Variants in PLEKHG1 observed in about 807,000 individuals in gnomAD.
The protein encoded by PLEKHG1 is pleckstrin homology and RhoGEF domain containing G1, also known as pleckstrin homology domain-containing family G member 1.
Under a neutral mutation model 100.8 loss-of-function variants are expected in PLEKHG1, and 44 were observed. That is an observed-to-expected ratio of 0.44 (90% confidence interval 0.34 to 0.56). PLEKHG1 has a LOEUF of 0.56. Ranked by LOEUF, PLEKHG1 falls within the 20% of genes least tolerant of loss-of-function variation. The pLI is 0.01. For synonymous variants in PLEKHG1, 640 were observed against 662.5 expected (o/e 0.97, Z 0.52); for missense variants, 1,545 against 1,720.9 (o/e 0.90, Z 1.81).
At chr6:150,659,109 G>A (rs1779082791) in intron 3 of PLEKHG1, among the ~76,000 whole-genome samples, 1 of 151,968 alleles carries the variant, frequency 6.6e-6, no homozygotes, top group South Asian at 2.1e-4. Flanking sequence ...CAGCCATGCT[G>A]TGTGCACCCG....
At chr6:150,814,207 C>T (rs371341514) in intron 10 of PLEKHG1, among the ~76,000 whole-genome samples, 12 of 152,278 alleles carry the variant, frequency 7.9e-5, no homozygotes, top group African/African-American at 2.4e-4. Context: ...CCTTAGAATG[C>T]CCTTCTGAGC....
At chr6:150,815,001 C>T (rs1787779825) in intron 10 of PLEKHG1, among the ~76,000 whole-genome samples, 1 of 152,214 alleles carries the variant, frequency 6.6e-6, no homozygotes, top group South Asian at 2.1e-4. Context: ...GGATTACAGG[C>T]ACAAGCCACC....
At chr6:150,737,028 G>A (rs1438033827) in intron 2 of PLEKHG1, among the ~76,000 whole-genome samples, 2 of 152,144 alleles carry the variant, frequency 1.3e-5, no homozygotes, top group Admixed American at 6.5e-5. Context: ...ATGCTCCTCT[G>A]TTCCAGAAGT....
At chr6:150,744,371 G>A (rs1783038775) in intron 2 of PLEKHG1, among the ~76,000 whole-genome samples, 1 of 152,114 alleles carries the variant, frequency 6.6e-6, no homozygotes, top group Non-Finnish European at 1.5e-5. Context: ...ACCGCGCCTG[G>A]CCCCTGCCCT....
chr6:150,831,352 C>T lies in PLEKHG1; in HGVS notation c.2241C>T (p.Leu747=). 6.2e-7 allele frequency: 1 copy of T among 1,614,084 alleles called. No individual in the cohort carries two copies. Among genetic ancestry groups the T allele is most frequent in the South Asian group, 1.1e-5 (1 of 91,078 alleles). Residue 747 remains leucine (L), a synonymous_variant, in exon 15 of 16, where the codon CTC becomes CTT. Coordinates refer to ENST00000358517, the Ensembl canonical transcript of PLEKHG1. This position sits in a 1 kb window ranked among gnomAD's most constrained non-coding sequence, Gnocchi z 4.1. ...AGAACATCTATGACACCATAGGGCT[C>T]CCAGATCCTCCGTCGCTGGGTTTTA... is the stretch of plus-strand genomic sequence containing the variant.
chr6:150,829,121 G>T (rs909261215), intron 14 of PLEKHG1, among the ~76,000 whole-genome samples: 4 of 151,970 alleles, frequency 2.6e-5, no homozygotes, highest in Non-Finnish European at 4.4e-5. Flanking sequence ...TTGCTTATTT[G>T]ACATTTCCAA....
At chr6:150,768,648 A>T in exon 3 of PLEKHG1, 1 of 1,605,244 alleles carries the variant, frequency 6.2e-7, no homozygotes, top group Non-Finnish European at 8.5e-7. Context: ...GATTACCTTG[A>T]CTGCATCAGG....
At chr6:150,620,399 G>T (rs1777249686) in intron 1 of PLEKHG1, among the ~76,000 whole-genome samples, 1 of 152,180 alleles carries the variant, frequency 6.6e-6, no homozygotes, top group African/African-American at 2.4e-5. Context: ...AGACCTAGTG[G>T]GTCTTGATCA....
chr6:150,619,652 A>T lies in PLEKHG1; in HGVS notation c.-203-18428A>T, dbSNP rs911118543. ...CAGGGAGCTTTTGCAGACATAAGGCAGCTTTTATGGAGCAGGAGTGAGAGG... is the reference window on the plus strand; with the variant it reads ...CAGGGAGCTTTTGCAGACATAAGGCTGCTTTTATGGAGCAGGAGTGAGAGG... On this transcript the variant is annotated intron_variant, in intron 1 of 3. Transcript: ENST00000367326. 5.3e-5 allele frequency among the ~76,000 whole-genome samples: 8 copies of T among 152,352 alleles called. No homozygotes were observed. The East Asian group carries it at 1.5e-3, about 29-fold the overall frequency.
chr6:150,704,467 C>T (rs754721076), intron 3 of PLEKHG1, among the ~76,000 whole-genome samples: 1 of 152,232 alleles, frequency 6.6e-6, no homozygotes, highest in Non-Finnish European at 1.5e-5. Flanking sequence ...GTCTGTCATC[C>T]TTGACCCCAT....
At chr6:150,700,783 C>T (rs976033174) in intron 3 of PLEKHG1, among the ~76,000 whole-genome samples, 1 of 152,100 alleles carries the variant, frequency 6.6e-6, no homozygotes, top group Non-Finnish European at 1.5e-5. Flanking sequence ...GACGGTAGCA[C>T]CTCTGTCCTA....
Position 150,644,202 on chromosome 6 carries a change from G to T in PLEKHG1, c.-158+6077G>T, listed in dbSNP as rs1197712758. On this transcript the variant is annotated intron_variant, in intron 2 of 3. Transcript: ENST00000367326. Reference sequence around the variant, plus strand: ...AATTCTGTAGCTGGTGGATTTTCTTGCTTATAGCCAAAGAATTATATGTGC... The same window carrying T: ...AATTCTGTAGCTGGTGGATTTTCTTTCTTATAGCCAAAGAATTATATGTGC... 2.6e-5 allele frequency among the ~76,000 whole-genome samples: 4 copies of T among 152,026 alleles called. No homozygotes were observed. The East Asian group carries it at 7.7e-4, about 29-fold the overall frequency.
chr6:150,772,986 AT>A (rs1562505223), intron 3 of PLEKHG1, among the ~76,000 whole-genome samples: 1 of 152,170 alleles, frequency 6.6e-6, no homozygotes, highest in Non-Finnish European at 1.5e-5. Context: ...AACTTTAATT[AT>A]GGTTTATTTG....
chr6:150,824,118 C>G (rs1035342680), intron 14 of PLEKHG1, among the ~76,000 whole-genome samples: 4 of 152,246 alleles, frequency 2.6e-5, no homozygotes, highest in East Asian at 3.8e-4. Context: ...GAATATGGTT[C>G]TGCTGCTGAC....
intron 3 of PLEKHG1, among the ~76,000 whole-genome samples, chr6:150,676,400 C>T (rs1424863573): frequency 2.6e-5 from 4 of 152,128 alleles, no homozygotes; most frequent in East Asian, 1.9e-4. Context: ...ATCAAATAAA[C>T]GGAAGTCAAA....
At chr6:150,776,616 CA>C (rs1431745422) in intron 3 of PLEKHG1, among the ~76,000 whole-genome samples, 1 of 137,252 alleles carries the variant, frequency 7.3e-6, no homozygotes, top group Non-Finnish European at 1.5e-5. Context: ...TCCTGGTGCA[CA>C]TGTGCGGTTG....
chr6:150,802,702 C>A (rs2128664463), intron 6 of PLEKHG1, among the ~76,000 whole-genome samples: 1 of 143,194 alleles, frequency 7.0e-6, no homozygotes, highest in South Asian at 2.2e-4. Context: ...CACTCTGTTG[C>A]CAGGCTGGAG....
chr6:150,834,108 T>A (rs2128690486), intron 15 of PLEKHG1, among the ~76,000 whole-genome samples: 1 of 152,354 alleles, frequency 6.6e-6, no homozygotes, highest in South Asian at 2.1e-4. Context: ...CTGGAATTGA[T>A]GCCTGAAGGA....
intron 3 of PLEKHG1, among the ~76,000 whole-genome samples, chr6:150,711,257 C>T (rs928846343): frequency 6.6e-6 from 1 of 152,102 alleles, no homozygotes; most frequent in Non-Finnish European, 1.5e-5. Context: ...ACCCTATGCG[C>T]CCCACAGCCA....
Sources: gnomAD v4.1 joint callset for allele counts (sites outside exome capture counted in the v4.1 genomes callset) on GRCh38, gnomAD v4.1.1 for gene constraint, Gnocchi (gnomAD v3.1) non-coding constraint, MANE v1.5 for transcripts, NCBI Gene and HGNC (gene_info 2026-07-23, HGNC 2026-07-21) for gene names.